Variants in USP34 observed in about 807,000 individuals in gnomAD.
The protein encoded by USP34 is ubiquitin specific peptidase 34.
Under a neutral mutation model 460.3 loss-of-function variants are expected in USP34, and 70 were observed. That is an observed-to-expected ratio of 0.15 (90% CI 0.13 to 0.19). The LOEUF (loss-of-function observed/expected upper bound fraction) is 0.19. USP34 is among the 10% of genes least tolerant of loss of function. The pLI is 1.00. For synonymous variants in USP34, 1,647 were observed against 1,405.3 expected (o/e 1.17, Z -3.85); for missense variants, 3,985 against 4,236.2 (o/e 0.94, Z 1.65).
chr2:61,271,493 TCATCCA>T (rs2103933702), intron 41 of USP34, among the ~76,000 whole-genome samples: 1 of 152,300 alleles, frequency 6.6e-6, no homozygotes, highest in Admixed American at 6.5e-5. Flanking sequence ...TGAGTTGCAA[TCATCCA>T]TTTGCTCAAC....
rs145607941 is a variant in USP34, at chr2:61,280,755, A to T, written c.5151+335T>A. Reference sequence around the variant, plus strand: ...TCTGAATATCATAAAGATAAAAAGAAAACTGTGACTTACTAGAGAAGAGAG... The same window carrying T: ...TCTGAATATCATAAAGATAAAAAGATAACTGTGACTTACTAGAGAAGAGAG... On this transcript the variant is annotated intron_variant, in intron 38 of 79. Coordinates refer to ENST00000398571, the MANE Select transcript of USP34 (RefSeq NM_014709.4). 3.6e-3 allele frequency among the ~76,000 whole-genome samples: 544 copies of T among 152,320 alleles called. 2 individuals are homozygous for T. The highest frequency in any genetic ancestry group is 0.011 in the African/African-American group (451 of 41,588).
intron 15 of USP34, among the ~76,000 whole-genome samples, chr2:61,345,700 T>C (rs1691746708): frequency 6.6e-6 from 1 of 152,206 alleles, no homozygotes; most frequent in Admixed American, 6.5e-5. Flanking sequence ...AGTGGTGCAA[T>C]CACCACTCAC....
chr2:61,256,392 A>G lies in USP34; in HGVS notation c.6213T>C (p.Ala2071=), dbSNP rs760379191. 4 of 1,611,368 alleles carry G rather than the reference A, an allele frequency of 2.5e-6. No individual in the cohort carries two copies. Among genetic ancestry groups the G allele is most frequent in the Non-Finnish European group, 3.4e-6 (4 of 1,178,488 alleles). ...TCSHCGKKVR[A]EKRACFKKLP... Reference sequence around the variant, plus strand: ...CATTTGAAAAAGCATACCTTTTTTCAGCTCGTACTTTCTTCCCACAATGAG... The same window carrying G: ...CATTTGAAAAAGCATACCTTTTTTCGGCTCGTACTTTCTTCCCACAATGAG... Residue 2071 remains alanine (A), a synonymous_variant, in exon 48 of 80, where the codon GCT becomes GCC. Transcript: ENST00000398571.
At chr2:61,464,717 C>CAAAAAAA (rs35331685) in intron 1 of USP34, among the ~76,000 whole-genome samples, 7 of 77,988 alleles carry the variant, frequency 9.0e-5, no homozygotes, top group African/African-American at 1.5e-4. Flanking sequence ...GACTCCGTCT[C>CAAAAAAA]AAAAAAAAAA....
rs1344565883 is a variant in USP34 at position 61,214,042 on chromosome 2, A to G, written c.8682+18T>C. The G allele has an allele frequency of 1.2e-6, 2 of 1,613,366 alleles. No homozygotes were observed. Among genetic ancestry groups the G allele is most frequent in the Admixed American group, 1.7e-5 (1 of 59,884 alleles). ...ATCTATTTGAGGATACAGATAAAAG[A>G]GTATCAATTTTACTCACTCCAGGGT... On this transcript the variant is annotated intron_variant, in intron 68 of 79. Coordinates refer to ENST00000398571, the MANE Select transcript of USP34 (RefSeq NM_014709.4).
At position 61,208,965 on chromosome 2, in the gene USP34, T is replaced by C; in HGVS notation, c.8853A>G (p.Ile2951Met). 6.3e-7 allele frequency: 1 copy of C among 1,586,708 alleles called. No homozygotes were observed. The highest frequency in any genetic ancestry group is 8.6e-7 in the Non-Finnish European group (1 of 1,166,600). ...CWTTLISAFR[I>M]LLESDEDRLL... ...GTCTGTCTTCATCAGATTCTAATAG[T>C]ATTCTGAAGGCACTAGAAGAAAACA... Residue 2951 changes from isoleucine (I) to methionine (M), a missense_variant, in exon 70 of 80, where the codon ATA (isoleucine) becomes ATG (methionine). Around this residue, in one of 14 missense-constraint regions of USP34, gnomAD observed 275 missense variants for 292.7 expected, o/e 0.94. Coordinates refer to ENST00000398571, the MANE Select transcript of USP34 (RefSeq NM_014709.4).
intron 79 of USP34, 57 bp downstream of exon 79, chr2:61,188,853 A>C: frequency 6.3e-7 from 1 of 1,597,086 alleles, no homozygotes; most frequent in Non-Finnish European, 8.5e-7. Context: ...AGTTACACCA[A>C]GTGTATTACT....
At chr2:61,402,004 C>T (rs1328736555) in intron 3 of USP34, among the ~76,000 whole-genome samples, 4 of 151,900 alleles carry the variant, frequency 2.6e-5, no homozygotes, top group Non-Finnish European at 1.5e-5. Context: ...GTAATCCCAG[C>T]ACTTTGGAGG....
In USP34 at chr2:61,256,754, A is replaced by C. The variant is rs917939935; in HGVS notation, c.6126+119T>G. ...TAACTCTTATTTGAATAGTACAGTA[A>C]GAAGAAAATACATAAAAACATGAAA... On this transcript the variant is annotated intron_variant, in intron 47 of 79. Coordinates refer to ENST00000398571, the MANE Select transcript of USP34 (RefSeq NM_014709.4). 1.9e-4 allele frequency: 139 copies of C among 743,660 alleles called. 1 individual carries two copies. Among genetic ancestry groups the C allele is most frequent in the Admixed American group, 1.1e-4 (3 of 27,494 alleles). 46.1% of individuals were successfully genotyped at this position (743,660 alleles called of 1,614,324 possible).
chr2:61,323,272 G>T (rs1178934768), intron 21 of USP34, among the ~76,000 whole-genome samples: 4 of 152,202 alleles, frequency 2.6e-5, no homozygotes, highest in Non-Finnish European at 5.9e-5. Flanking sequence ...ACCACTTTGG[G>T]AGGCCGAGGC....
chr2:61,253,846 T>TGCCCCACCCTCCCAAGTA (rs1244214232), intron 48 of USP34, among the ~76,000 whole-genome samples: 76 of 152,186 alleles, frequency 5.0e-4, no homozygotes, highest in Middle Eastern at 3.4e-3. Context: ...GTGATTCTCC[T>TGCCCCACCCTCCCAAGTA]GCCCCACCCT....
At chr2:61,405,245 A>T (rs1489389519) in intron 3 of USP34, among the ~76,000 whole-genome samples, 1 of 149,618 alleles carries the variant, frequency 6.7e-6, no homozygotes, top group East Asian at 1.9e-4. Flanking sequence ...AAAAAAAAAA[A>T]AAAAAAAAAA....
intron 22 of USP34, among the ~76,000 whole-genome samples, chr2:61,318,442 T>C (rs2103691991): frequency 6.6e-6 from 1 of 152,302 alleles, no homozygotes; most frequent in East Asian, 1.9e-4. Context: ...TATTTGTAGC[T>C]CTGTCTTGGG....
At chr2:61,221,418 T>C in intron 66 of USP34, 84 bp downstream of exon 66, 1 of 1,236,368 alleles carries the variant, frequency 8.1e-7, no homozygotes, top group East Asian at 2.6e-5. Flanking sequence ...AATAAGAAAC[T>C]GGTACTTAAA....
intron 5 of USP34, among the ~76,000 whole-genome samples, chr2:61,390,457 T>G (rs893985861): frequency 6.6e-6 from 1 of 152,198 alleles, no homozygotes; most frequent in Admixed American, 6.5e-5. Flanking sequence ...GAAAACTACA[T>G]AAAAAGCTGC....
At position 61,283,453 on chromosome 2, in the gene USP34, T is replaced by C; in HGVS notation, c.4833-4A>G. ...ATCAGACTGAGCTTTTAAAACTCTG[T>C]AAAGTAAAAACACCACCACCACCAA... On this transcript the variant is annotated splice_region_variant and splice_polypyrimidine_tract_variant and intron_variant, in intron 35 of 79. Coordinates refer to ENST00000398571, the MANE Select transcript of USP34 (RefSeq NM_014709.4). 1 of 1,605,436 alleles carries C rather than the reference T, an allele frequency of 6.2e-7. No individual in the cohort carries two copies.
In USP34 at chr2:61,465,759, C is replaced by T. The variant is rs542923409; in HGVS notation, c.43+4891G>A. Among the ~76,000 whole-genome samples, 7 of 152,072 alleles carry T rather than the reference C, an allele frequency of 4.6e-5. No homozygotes were observed. The East Asian group carries it at 1.2e-3, about 25-fold the overall frequency. Reference sequence around the variant, plus strand: ...TTGGGAGGCCGAGGCAGGTGGATCACGAGGTCAAGAGATCGAGACCATCCT... The same window carrying T: ...TTGGGAGGCCGAGGCAGGTGGATCATGAGGTCAAGAGATCGAGACCATCCT... On this transcript the variant is annotated intron_variant, in intron 1 of 79. Coordinates refer to ENST00000398571, the MANE Select transcript of USP34 (RefSeq NM_014709.4).
chr2:61,459,256 C>A (rs1695527281), intron 1 of USP34, among the ~76,000 whole-genome samples: 1 of 152,138 alleles, frequency 6.6e-6, no homozygotes. Flanking sequence ...CAACTAAATT[C>A]TAGTCCTACC....
At chr2:61,358,643 A>C (rs1232943583) in intron 10 of USP34, among the ~76,000 whole-genome samples, 1 of 152,200 alleles carries the variant, frequency 6.6e-6, no homozygotes, top group Admixed American at 6.5e-5. Context: ...AAAAATATGA[A>C]AGGCATCCAA....
Sources: allele counts gnomAD v4.1 joint callset (sites outside exome capture counted in the v4.1 genomes callset), GRCh38; gene constraint gnomAD v4.1.1; regional missense constraint gnomAD v4.1.1; transcripts MANE v1.5; gene names NCBI Gene and HGNC (gene_info 2026-07-23, HGNC 2026-07-21).